NR1H4: variants seen among roughly 807,000 people sequenced by gnomAD.
NR1H4 encodes nuclear receptor subfamily 1 group H member 4.
Under a neutral mutation model 58.5 loss-of-function variants are expected in NR1H4, and 23 were observed. The ratio of observed to expected loss-of-function variants is 0.39; its 90% CI spans 0.28 to 0.56. The LOEUF is 0.56. NR1H4 is among the 20% of genes least tolerant of loss of function. The pLI, the probability that NR1H4 is intolerant of heterozygous loss-of-function variation, is 0.58. For synonymous variants in NR1H4, 214 were observed against 198.0 expected (o/e 1.08, Z -0.68); for missense variants, 487 against 576.9 (o/e 0.84, Z 1.60).
chr12:100,505,232 T>C (rs1427281187), intron 3 of NR1H4, among the ~76,000 whole-genome samples: 1 of 152,184 alleles, frequency 6.6e-6, no homozygotes. Context: ...CATCAGAAAC[T>C]CACTGTGAGA....
chr12:100,551,994 C>T (rs1452976237), intron 9 of NR1H4, among the ~76,000 whole-genome samples: 1 of 152,170 alleles, frequency 6.6e-6, no homozygotes, highest in Non-Finnish European at 1.5e-5. Flanking sequence ...ATTACAGTTG[C>T]AATACTTTTC....
chr12:100,503,580 G>A, intron 3 of NR1H4: 2 of 1,329,668 alleles, frequency 1.5e-6, no homozygotes, highest in African/African-American at 1.5e-5. Flanking sequence ...GGAGATGACA[G>A]TAACAGATGT....
intron 4 of NR1H4, among the ~76,000 whole-genome samples, chr12:100,529,569 C>T (rs192694537): frequency 1.5e-3 from 234 of 152,272 alleles, no homozygotes; most frequent in Admixed American, 3.9e-3. Context: ...CCATACTCTA[C>T]CCAACCGCCA....
intron 3 of NR1H4, among the ~76,000 whole-genome samples, chr12:100,503,746 T>A (rs1953891732): frequency 6.6e-6 from 1 of 152,218 alleles, no homozygotes; most frequent in South Asian, 2.1e-4. Context: ...TGTCAAATTA[T>A]CACTATTCTT....
chr12:100,499,116 G>A (rs1953778298), intron 3 of NR1H4, among the ~76,000 whole-genome samples: 1 of 152,122 alleles, frequency 6.6e-6, no homozygotes, highest in Non-Finnish European at 1.5e-5. Flanking sequence ...TATGACTTAT[G>A]CTTAAATTGA....
chr12:100,562,148 C>A (rs2136327955), intron 10 of NR1H4, 150 bp downstream of exon 10: 3 of 607,982 alleles, frequency 4.9e-6, no homozygotes, highest in Non-Finnish European at 5.8e-6. Context: ...CATTATTAAC[C>A]TTTCAGTGCA....
chr12:100,544,177 A>G (rs1955004013), intron 9 of NR1H4, among the ~76,000 whole-genome samples: 1 of 147,082 alleles, frequency 6.8e-6, no homozygotes, highest in African/African-American at 2.6e-5. Flanking sequence ...GCGTGAACCC[A>G]GGAGGTGGAG....
At position 100,520,109 on chromosome 12, in the gene NR1H4, T is replaced by C. The variant is rs185541491; in HGVS notation, c.445+8966T>C. Among the ~76,000 whole-genome samples, 10 of 152,232 alleles carry C rather than the reference T, an allele frequency of 6.6e-5. No homozygotes were observed. The East Asian group carries it at 1.9e-3, about 30-fold the overall frequency. ...TGCCTGCAGGTCTTGTGAGAGCTGC[T>C]CAGCCAACCTGGTTTCCCCGCTGAC... On this transcript the variant is annotated intron_variant, in intron 4 of 10. Transcript: ENST00000392986.
At chr12:100,510,690 G>T in intron 3 of NR1H4, 88 bp from the exon 4 acceptor site, 3 of 1,371,578 alleles carry the variant, frequency 2.2e-6, no homozygotes, top group Non-Finnish European at 2.1e-6. Flanking sequence ...TTTTCTTAGA[G>T]CCCACACTCC....
At chr12:100,505,473 AC>A in intron 3 of NR1H4, 1 of 627,404 alleles carries the variant, frequency 1.6e-6, no homozygotes, top group Non-Finnish European at 2.8e-6. Flanking sequence ...TAGGTACAGA[AC>A]CCTTCTATCA....
chr12:100,562,036 T>A, intron 10 of NR1H4, 38 bp downstream of exon 10: 1 of 990,136 alleles, frequency 1.0e-6, no homozygotes, highest in Non-Finnish European at 1.6e-6. Flanking sequence ...TATGCCATTT[T>A]TTTCAGTATA....
chr12:100,554,035 T>C (rs1163877712), intron 9 of NR1H4, among the ~76,000 whole-genome samples: 2 of 152,138 alleles, frequency 1.3e-5, no homozygotes, highest in Admixed American at 6.5e-5. Context: ...TGTATGGCCA[T>C]GGGGCAGGGA....
chr12:100,522,422 A>C (rs1008898177), intron 4 of NR1H4, among the ~76,000 whole-genome samples: 1 of 152,170 alleles, frequency 6.6e-6, no homozygotes, highest in Admixed American at 6.5e-5. Flanking sequence ...AGTTCTTCCC[A>C]ATGGAAAATC....
intron 1 of NR1H4, among the ~76,000 whole-genome samples, chr12:100,484,415 G>A (rs1162549679): frequency 6.6e-6 from 1 of 152,186 alleles, no homozygotes; most frequent in Non-Finnish European, 1.5e-5. Context: ...CAGAAAGTGG[G>A]AGTCCAAGCT....
At chr12:100,487,037 A>G (rs1340523712) in intron 1 of NR1H4, among the ~76,000 whole-genome samples, 1 of 152,220 alleles carries the variant, frequency 6.6e-6, no homozygotes, top group Non-Finnish European at 1.5e-5. Flanking sequence ...AAGGAAGTAA[A>G]CCCAAAATGG....
At chr12:100,552,727 G>A (rs1036861889) in intron 9 of NR1H4, among the ~76,000 whole-genome samples, 17 of 152,044 alleles carry the variant, frequency 1.1e-4, no homozygotes, top group African/African-American at 2.2e-4. Context: ...GTTCGAGACC[G>A]GCCTAGAATA....
chr12:100,535,729 A>C (rs1257700092), intron 6 of NR1H4, among the ~76,000 whole-genome samples: 1 of 152,244 alleles, frequency 6.6e-6, no homozygotes, highest in African/African-American at 2.4e-5. Flanking sequence ...AAAGTATTTT[A>C]TATGAAAGCA....
chr12:100,488,560 A>G (rs1953543562), intron 1 of NR1H4, among the ~76,000 whole-genome samples: 1 of 152,364 alleles, frequency 6.6e-6, no homozygotes, highest in African/African-American at 2.4e-5. Flanking sequence ...GGCAGAAAAT[A>G]TGATAAAATG....
chr12:100,534,077 T>C (rs931371719), intron 5 of NR1H4, among the ~76,000 whole-genome samples: 1 of 151,920 alleles, frequency 6.6e-6, no homozygotes, highest in Non-Finnish European at 1.5e-5. Flanking sequence ...TTTGTATTTT[T>C]AGTAGAGACG....
Sources: gnomAD v4.1 joint callset for allele counts (sites outside exome capture counted in the v4.1 genomes callset) on GRCh38, gnomAD v4.1.1 for gene constraint, MANE v1.5 for transcripts, NCBI Gene and HGNC (gene_info 2026-07-23, HGNC 2026-07-21) for gene names.